MMP26: variants seen among roughly 807,000 people sequenced by gnomAD.
MMP26 encodes the protein matrix metallopeptidase 26.
A neutral mutation model predicts 31.0 loss-of-function variants in MMP26; 33 were observed. That is an observed-to-expected ratio of 1.06 (90% confidence interval 0.81 to 1.42). The LOEUF (loss-of-function observed/expected upper bound fraction) is 1.42, where lower values mean the gene tolerates loss of function less well. Among genes scored for constraint, MMP26 ranks in the 40% most tolerant of loss-of-function variants. The pLI, the probability that MMP26 is intolerant of heterozygous loss-of-function variation, is 0.00. For missense variants in MMP26, 347 were observed against 316.1 expected (o/e 1.10, Z -0.74); for synonymous variants, 122 against 114.9 (o/e 1.06, Z -0.40).
intron 1 of MMP26, among the ~76,000 whole-genome samples, chr11:4,741,347 C>T (rs1320921126): frequency 2.6e-5 from 4 of 152,148 alleles, no homozygotes; most frequent in Non-Finnish European, 1.5e-5. Context: ...AAGACACATG[C>T]ACATGTATGT....
At chr11:4,804,488 G>T (rs940700778) in intron 2 of MMP26, 7 of 850,148 alleles carry the variant, frequency 8.2e-6, no homozygotes, top group African/African-American at 1.7e-5. Context: ...GGGACTATTG[G>T]ATACCAGGGT....
chr11:4,885,578 C>T (rs1850536110), intron 2 of MMP26, among the ~76,000 whole-genome samples: 1 of 151,994 alleles, frequency 6.6e-6, no homozygotes, highest in Admixed American at 6.6e-5. Context: ...AGGCTATACC[C>T]TCTAGGTTTG....
chr11:4,967,929 G>T (rs1466177311), intron 2 of MMP26, among the ~76,000 whole-genome samples: 1 of 152,030 alleles, frequency 6.6e-6, no homozygotes, highest in African/African-American at 2.4e-5. Context: ...AAGGGAAAGG[G>T]GATTCTTTTA....
chr11:4,975,251 G>A (rs779296019), intron 2 of MMP26, among the ~76,000 whole-genome samples: 8 of 152,002 alleles, frequency 5.3e-5, no homozygotes, highest in Non-Finnish European at 5.9e-5. Context: ...AGATCCTCAC[G>A]CAAAATCAGA....
chr11:4,850,527 C>G (rs1434416197), intron 2 of MMP26, among the ~76,000 whole-genome samples: 6 of 152,122 alleles, frequency 3.9e-5, no homozygotes, highest in African/African-American at 1.4e-4. Flanking sequence ...GTCATATTTT[C>G]TTCCCTGCCC....
intron 2 of MMP26, among the ~76,000 whole-genome samples, chr11:4,885,900 A>G (rs1017821762): frequency 1.8e-4 from 27 of 152,072 alleles, no homozygotes; most frequent in African/African-American, 6.0e-4. Flanking sequence ...TCTTAGGTGT[A>G]TGATTAAAAT....
chr11:4,710,855 C>G (rs1261217393), intron 1 of MMP26: 1 of 163,592 alleles, frequency 6.1e-6, no homozygotes, highest in Non-Finnish European at 1.4e-5. Context: ...TCTCATGTAA[C>G]GTAGATCAGT....
intron 2 of MMP26, among the ~76,000 whole-genome samples, chr11:4,819,209 T>A (rs560483189): frequency 5.4e-4 from 82 of 152,342 alleles, no homozygotes; most frequent in African/African-American, 1.9e-3. Context: ...TAAAGTTTTA[T>A]CTTCAGACAT....
At chr11:4,826,871 G>A (rs774538649) in intron 2 of MMP26, among the ~76,000 whole-genome samples, 6 of 151,998 alleles carry the variant, frequency 3.9e-5, no homozygotes, top group Non-Finnish European at 8.8e-5. Context: ...AATACGTCTC[G>A]GGATACTCAA....
chr11:4,933,331 G>A (rs1032974730), intron 2 of MMP26, among the ~76,000 whole-genome samples: 2 of 152,036 alleles, frequency 1.3e-5, no homozygotes, highest in African/African-American at 2.4e-5. Flanking sequence ...TAGTAAAAAG[G>A]CGGACAATCA....
intron 2 of MMP26, among the ~76,000 whole-genome samples, chr11:4,941,825 C>T (rs1397976596): frequency 1.3e-5 from 2 of 151,708 alleles, no homozygotes; most frequent in Non-Finnish European, 2.9e-5. Context: ...GTGGCTCACG[C>T]TTGTAATCCC....
At chr11:4,753,826 C>T (rs2133303019) in intron 1 of MMP26, among the ~76,000 whole-genome samples, 1 of 152,086 alleles carries the variant, frequency 6.6e-6, no homozygotes, top group Non-Finnish European at 1.5e-5. Context: ...TCCTATGAAC[C>T]TGAAGCTTGA....
chr11:4,728,749 A>G (rs1848135792), intron 1 of MMP26, among the ~76,000 whole-genome samples: 1 of 152,090 alleles, frequency 6.6e-6, no homozygotes, highest in African/African-American at 2.4e-5. Context: ...CTATTCTGAA[A>G]GTGGTAAGCA....
chr11:4,804,591 T>G, intron 2 of MMP26: 1 of 748,760 alleles, frequency 1.3e-6, no homozygotes. Context: ...TTTTCGTACT[T>G]ATGTCATTCA....
chr11:4,972,194 T>A (rs188513096), intron 2 of MMP26, among the ~76,000 whole-genome samples: 81 of 152,276 alleles, frequency 5.3e-4, no homozygotes, highest in Admixed American at 1.1e-3. Flanking sequence ...GGGGCTTTGG[T>A]TAAACTGACC....
At chr11:4,764,445 C>G (rs946788615) in intron 1 of MMP26, among the ~76,000 whole-genome samples, 1 of 152,170 alleles carries the variant, frequency 6.6e-6, no homozygotes, top group Admixed American at 6.5e-5. Flanking sequence ...TATACTGGGC[C>G]TGTGCACATG....
At chr11:4,883,336 C>T (rs538023819) in intron 2 of MMP26, among the ~76,000 whole-genome samples, 4 of 152,080 alleles carry the variant, frequency 2.6e-5, no homozygotes, top group East Asian at 3.9e-4. Flanking sequence ...AAGGCACACA[C>T]GTAGAAAGTT....
chr11:4,942,507 A>G (rs1564811563), intron 2 of MMP26, among the ~76,000 whole-genome samples: 1 of 152,104 alleles, frequency 6.6e-6, no homozygotes, highest in African/African-American at 2.4e-5. Context: ...TTTTATTGAG[A>G]AAGGGGTTTA....
At chr11:4,984,751 A>C (rs756617616) in intron 2 of MMP26, among the ~76,000 whole-genome samples, 7 of 152,210 alleles carry the variant, frequency 4.6e-5, no homozygotes, top group Non-Finnish European at 1.0e-4. Context: ...TGTACAACAG[A>C]ATATTTTGAA....
Sources: gnomAD v4.1 joint callset for allele counts (sites outside exome capture counted in the v4.1 genomes callset) on GRCh38, gnomAD v4.1.1 for gene constraint, MANE v1.5 for transcripts, NCBI Gene and HGNC (gene_info 2026-07-23, HGNC 2026-07-21) for gene names.